Variants in TRPM3 observed in about 807,000 individuals in gnomAD.
The protein encoded by TRPM3 is transient receptor potential cation channel subfamily M member 3.
Under a neutral mutation model 181.2 loss-of-function variants are expected in TRPM3, and 77 were observed. The observed-to-expected ratio is 0.42, with a 90% CI of 0.35 to 0.51. The LOEUF is 0.51. Ranked by LOEUF, TRPM3 falls within the 20% of genes least tolerant of loss-of-function variation. The pLI, the probability that TRPM3 is intolerant of heterozygous loss-of-function variation, is 0.01. For synonymous variants in TRPM3, 745 were observed against 796.4 expected (o/e 0.94, Z 1.09); for missense variants, 1,759 against 2,196.7 (o/e 0.80, Z 3.98).
At chr9:71,335,842 C>A (rs932658106) in intron 1 of TRPM3, among the ~76,000 whole-genome samples, 1 of 152,038 alleles carries the variant, frequency 6.6e-6, no homozygotes, top group South Asian at 2.1e-4. Context: ...AACCCTTTTA[C>A]AAGTGGGGAG....
chr9:70,566,019 G>A (rs1285572221), intron 22 of TRPM3, among the ~76,000 whole-genome samples: 3 of 152,232 alleles, frequency 2.0e-5, no homozygotes, highest in Non-Finnish European at 4.4e-5. Flanking sequence ...CTAAGTGCTC[G>A]GGATGCATCA....
At chr9:71,198,329 G>C (rs1400934327) in intron 1 of TRPM3, among the ~76,000 whole-genome samples, 9 of 151,538 alleles carry the variant, frequency 5.9e-5, no homozygotes. Context: ...TTGTTCTTTT[G>C]GCTTAGGAAT....
At chr9:70,992,555 G>A (rs756234253) in intron 1 of TRPM3, among the ~76,000 whole-genome samples, 46 of 152,192 alleles carry the variant, frequency 3.0e-4, no homozygotes, top group African/African-American at 1.1e-3. Context: ...ACTTTCTGTG[G>A]TGATGGAAAT....
intron 1 of TRPM3, among the ~76,000 whole-genome samples, chr9:71,074,167 A>G (rs188595631): frequency 2.7e-4 from 41 of 152,310 alleles, no homozygotes; most frequent in Admixed American, 2.4e-3. Flanking sequence ...CAGGTAAGGC[A>G]TATATGGTTA....
intron 1 of TRPM3, among the ~76,000 whole-genome samples, chr9:70,916,232 A>G (rs991959564): frequency 1.9e-4 from 29 of 152,242 alleles, no homozygotes; most frequent in African/African-American, 6.8e-4. Flanking sequence ...GACCTGTTCC[A>G]CAAGAAATGC....
chr9:70,912,210 C>T (rs978122989), intron 1 of TRPM3, among the ~76,000 whole-genome samples: 1 of 152,172 alleles, frequency 6.6e-6, no homozygotes, highest in African/African-American at 2.4e-5. Context: ...ATGTAATCTT[C>T]TCCAAGAATC....
At chr9:70,761,405 C>A in intron 8 of TRPM3, 196 bp downstream of exon 8, 1 of 737,178 alleles carries the variant, frequency 1.4e-6, no homozygotes, top group Non-Finnish European at 2.5e-6. Context: ...GCTGCACACA[C>A]CTTATTAACT....
intron 6 of TRPM3, among the ~76,000 whole-genome samples, chr9:70,791,072 G>A (rs1363954239): frequency 9.2e-5 from 14 of 152,180 alleles, no homozygotes; most frequent in Non-Finnish European, 1.5e-4. Context: ...TTGCCTTCAC[G>A]TTATAGAGTT....
chr9:70,906,871 C>G (rs932180809), intron 1 of TRPM3, among the ~76,000 whole-genome samples: 5 of 151,996 alleles, frequency 3.3e-5, no homozygotes, highest in Non-Finnish European at 7.4e-5. Context: ...CCATTACACT[C>G]CAGCCTGGGC....
At chr9:70,867,804 A>G (rs2132505748) in intron 1 of TRPM3, among the ~76,000 whole-genome samples, 1 of 152,152 alleles carries the variant, frequency 6.6e-6, no homozygotes, top group African/African-American at 2.4e-5. Flanking sequence ...TGTGAACATC[A>G]TATATTAGAT....
chr9:70,915,944 TAATC>T (rs74714808), intron 1 of TRPM3, among the ~76,000 whole-genome samples: 31,946 of 151,834 alleles, frequency 0.21, 4,052 homozygotes, highest in Admixed American at 0.32. Context: ...AGGCATTTAA[TAATC>T]AAACTTCCAA....
chr9:71,231,833 G>A (rs76407593), intron 1 of TRPM3, among the ~76,000 whole-genome samples: 2,221 of 152,246 alleles, frequency 0.015, 65 homozygotes, highest in African/African-American at 0.051. Context: ...CAGGTACTAC[G>A]CTCACTGCCT....
chr9:71,438,682 CAAAT>C (rs1248244797), intron 1 of TRPM3, among the ~76,000 whole-genome samples: 1 of 152,016 alleles, frequency 6.6e-6, no homozygotes, highest in African/African-American at 2.4e-5. Context: ...CAAAAATAAA[CAAAT>C]AAATAAATCT....
At chr9:70,771,715 T>G (rs972114232) in intron 7 of TRPM3, among the ~76,000 whole-genome samples, 2 of 152,188 alleles carry the variant, frequency 1.3e-5, no homozygotes, top group Admixed American at 1.3e-4. Context: ...CTTGGATACC[T>G]GGACTGTGCA....
At chr9:71,029,698 C>T (rs553720038) in intron 1 of TRPM3, among the ~76,000 whole-genome samples, 1 of 152,138 alleles carries the variant, frequency 6.6e-6, no homozygotes, top group South Asian at 2.1e-4. Flanking sequence ...CTTTATGAAT[C>T]AACATTTATA....
intron 1 of TRPM3, among the ~76,000 whole-genome samples, chr9:71,266,013 T>G (rs10781006): frequency 0.97 from 148,013 of 152,282 alleles, 72,017 homozygotes; most frequent in East Asian, 1. Flanking sequence ...TCTGGCTGGA[T>G]AAAGATAACA....
At chr9:70,994,947 C>T (rs2134166854) in intron 1 of TRPM3, among the ~76,000 whole-genome samples, 1 of 152,308 alleles carries the variant, frequency 6.6e-6, no homozygotes, top group Non-Finnish European at 1.5e-5. Context: ...AGGGCATGTT[C>T]TCCATCTTTC....
intron 1 of TRPM3, among the ~76,000 whole-genome samples, chr9:71,343,589 A>G (rs1221735921): frequency 6.6e-6 from 1 of 152,198 alleles, no homozygotes; most frequent in Non-Finnish European, 1.5e-5. Context: ...GCTTGAAGTT[A>G]TCTACATAAA....
chr9:70,768,698 A>T (rs1306828466), intron 7 of TRPM3, among the ~76,000 whole-genome samples: 2 of 152,024 alleles, frequency 1.3e-5, no homozygotes, highest in African/African-American at 4.8e-5. Flanking sequence ...AGGCAGCAGG[A>T]TTGCTTGAGG....
Sources: gnomAD v4.1 joint callset for allele counts (sites outside exome capture counted in the v4.1 genomes callset) on GRCh38, gnomAD v4.1.1 for gene constraint, MANE v1.5 for transcripts, NCBI Gene and HGNC (gene_info 2026-07-23, HGNC 2026-07-21) for gene names.